The following TTC7B variants were observed in gnomAD, a reference collection of about 807,000 sequenced individuals.
TTC7B encodes tetratricopeptide repeat protein 7B.
In TTC7B, 28 loss-of-function variants were observed where a neutral mutation model predicts 106.8. The observed-to-expected ratio is 0.26, with a 90% CI of 0.19 to 0.36. TTC7B has a LOEUF of 0.36. Ranked by LOEUF, TTC7B falls within the 10% of genes least tolerant of loss-of-function variation. TTC7B has a pLI of 1.00. For synonymous variants in TTC7B, 405 were observed against 430.6 expected (o/e 0.94, Z 0.74); for missense variants, 862 against 1,076.4 (o/e 0.80, Z 2.79).
Position 90,659,178 on chromosome 14 carries a change from T to C in TTC7B, c.1153-791A>G, listed in dbSNP as rs1199478647. On this transcript the variant is annotated intron_variant, in intron 9 of 19. Coordinates refer to ENST00000328459, the MANE Select transcript of TTC7B (RefSeq NM_001010854.2). ...GCTTGCATACCTGGGGGAGAATCCA[T>C]GCCACAGAAGGCCCTTGTGTATGCA... is the stretch of plus-strand genomic sequence containing the variant. Among the ~76,000 whole-genome samples the C allele has an allele frequency of 2.0e-5, 3 of 151,998 alleles. No individual in the cohort carries two copies. In the East Asian group the frequency reaches 5.8e-4, roughly 29 times the overall value.
At chr14:90,751,753 T>C (rs1031266189) in intron 3 of TTC7B, among the ~76,000 whole-genome samples, 4 of 152,102 alleles carry the variant, frequency 2.6e-5, no homozygotes, top group African/African-American at 9.7e-5. Flanking sequence ...TTAAATAAAT[T>C]AATGATGATA....
chr14:90,674,639 C>T (rs1484148877), intron 9 of TTC7B, among the ~76,000 whole-genome samples: 1 of 152,198 alleles, frequency 6.6e-6, no homozygotes, highest in Non-Finnish European at 1.5e-5. Context: ...GCCCCTGGCA[C>T]AGAAGAGGTG....
Position 90,537,665 on chromosome 14 carries a change from C to T in TTC7B, c.*3703G>A, listed in dbSNP as rs1889452455. The T allele has an allele frequency of 6.6e-6, 1 of 152,442 alleles. No homozygotes were observed. Among genetic ancestry groups the T allele is most frequent in the African/African-American group, 2.4e-5 (1 of 41,430 alleles). 9.4% of individuals were successfully genotyped at this position (152,442 alleles called of 1,614,324 possible). A position where few individuals can be genotyped will look rare whatever the true frequency, so the allele number is the denominator to read the frequency against. On this transcript the variant is annotated 3_prime_UTR_variant, in exon 20 of 20. Transcript: ENST00000328459. ...CTGCTGTTCCTGCTTCCTGAGATGT[C>T]CTCCTCCCAGGTTACCTGTCTTTCT...
intron 5 of TTC7B, among the ~76,000 whole-genome samples, chr14:90,703,587 G>A (rs1486450368): frequency 1.1e-4 from 16 of 151,880 alleles, no homozygotes; most frequent in African/African-American, 3.9e-4. Context: ...TGAAAGAAAG[G>A]GAAAAAAAAA....
chr14:90,789,422 T>C (rs1186830207), intron 1 of TTC7B, among the ~76,000 whole-genome samples: 2 of 151,878 alleles, frequency 1.3e-5, no homozygotes, highest in African/African-American at 4.8e-5. Context: ...TTAATAGCCA[T>C]GTTAAAAAAG....
intron 3 of TTC7B, among the ~76,000 whole-genome samples, chr14:90,775,809 T>G (rs1330859480): frequency 6.6e-6 from 1 of 152,062 alleles, no homozygotes; most frequent in African/African-American, 2.4e-5. Flanking sequence ...CTGGCCCCAT[T>G]TGCTCTTCAG....
chr14:90,607,240 A>G (rs1342991875), intron 17 of TTC7B, among the ~76,000 whole-genome samples: 5 of 152,324 alleles, frequency 3.3e-5, no homozygotes, highest in Non-Finnish European at 5.9e-5. Flanking sequence ...CGGCCTCACA[A>G]AGGAATCTGC....
chr14:90,694,904 T>C, intron 6 of TTC7B, among the ~76,000 whole-genome samples: 1 of 56,222 alleles, frequency 1.8e-5, no homozygotes, highest in Non-Finnish European at 3.5e-5. Context: ...CACATATATG[T>C]CACATATATT....
intron 1 of TTC7B, among the ~76,000 whole-genome samples, 184 bp downstream of exon 1, chr14:90,815,991 C>T (rs2031157254): frequency 6.6e-6 from 1 of 151,292 alleles, no homozygotes; most frequent in Non-Finnish European, 1.5e-5. Flanking sequence ...GCCCCCACAC[C>T]GCGTGACTCC....
chr14:90,780,826 A>T lies in TTC7B; in HGVS notation c.357T>A (p.Ile119=). 2 of 1,614,274 alleles carry T rather than the reference A, an allele frequency of 1.2e-6. No homozygotes were observed. Among genetic ancestry groups the T allele is most frequent in the Non-Finnish European group, 8.5e-7 (1 of 1,180,050 alleles). ...VEGDYKEALN[I]YARVGLDDLP... ...GATCGTCCAGGCCCACCCGGGCGTA[A>T]ATGTTCAGAGCTTCTTTATAATCAC... Residue 119 remains isoleucine (I), a synonymous_variant, in exon 3 of 20, where the codon ATT becomes ATA. Coordinates refer to ENST00000328459, the MANE Select transcript of TTC7B (RefSeq NM_001010854.2).
chr14:90,605,760 T>TA, intron 17 of TTC7B: 1 of 1,202,256 alleles, frequency 8.3e-7, no homozygotes, highest in Non-Finnish European at 1.1e-6. Context: ...AATCTGACAC[T>TA]AAAAAAGTGA....
Position 90,672,813 on chromosome 14 carries a change from G to A in TTC7B, c.1152+3710C>T, listed in dbSNP as rs540192351. Among the ~76,000 whole-genome samples, 14 of 152,264 alleles carry A rather than the reference G, an allele frequency of 9.2e-5. No individual in the cohort carries two copies. The South Asian group carries it at 2.9e-3, about 32-fold the overall frequency. ...GCTTCCCCTGTGCCTAGTAACTCCT[G>A]TATATACAGTGGTAGTAACTGCAGC... On this transcript the variant is annotated intron_variant, in intron 9 of 19. Coordinates refer to ENST00000328459, the MANE Select transcript of TTC7B (RefSeq NM_001010854.2).
intron 14 of TTC7B, 68 bp from the exon 15 acceptor site, chr14:90,644,276 C>G: frequency 8.4e-7 from 1 of 1,197,254 alleles, no homozygotes; most frequent in Non-Finnish European, 1.1e-6. Context: ...CACACACACA[C>G]ACACGCGCGA....
At chr14:90,745,043 G>A in intron 3 of TTC7B, 121 bp from the exon 4 acceptor site, 1 of 944,870 alleles carries the variant, frequency 1.1e-6, no homozygotes, top group Non-Finnish European at 1.6e-6. Context: ...CAAATAGACA[G>A]TTTACTTCCT....
At chr14:90,591,077 C>A (rs1891938122) in intron 18 of TTC7B, among the ~76,000 whole-genome samples, 1 of 152,214 alleles carries the variant, frequency 6.6e-6, no homozygotes, top group African/African-American at 2.4e-5. Context: ...CGGTGCCTCA[C>A]ACCTGTAATC....
intron 7 of TTC7B, among the ~76,000 whole-genome samples, chr14:90,682,572 C>T (rs1272879144): frequency 1.3e-5 from 2 of 152,206 alleles, no homozygotes; most frequent in African/African-American, 4.8e-5. Context: ...CGGGTCAAAA[C>T]TGTTGGGGCC....
intron 19 of TTC7B, among the ~76,000 whole-genome samples, chr14:90,544,477 C>T (rs770981367): frequency 6.6e-6 from 1 of 152,180 alleles, no homozygotes; most frequent in Admixed American, 6.5e-5. Flanking sequence ...CAAATAATCA[C>T]GTCCATCTCC....
chr14:90,784,177 C>G (rs1414162975), intron 2 of TTC7B, among the ~76,000 whole-genome samples: 1 of 152,118 alleles, frequency 6.6e-6, no homozygotes, highest in Non-Finnish European at 1.5e-5. Flanking sequence ...CCTTCACTCT[C>G]TCCTGCTGAT....
At chr14:90,735,520 AG>A (rs895761046) in intron 4 of TTC7B, among the ~76,000 whole-genome samples, 2 of 151,606 alleles carry the variant, frequency 1.3e-5, no homozygotes, top group Non-Finnish European at 2.9e-5. Context: ...AAAAAAAAAA[AG>A]ATCCTATTCA....
Sources: gnomAD v4.1 joint callset for allele counts (sites outside exome capture counted in the v4.1 genomes callset) on GRCh38, gnomAD v4.1.1 for gene constraint, MANE v1.5 for transcripts, NCBI Gene and HGNC (gene_info 2026-07-23, HGNC 2026-07-21) for gene names.